Variants in INPP4B observed in about 807,000 individuals in gnomAD.
INPP4B encodes the protein inositol polyphosphate 4-phosphatase type II.
Under a neutral mutation model 122.5 loss-of-function variants are expected in INPP4B, and 55 were observed. The observed-to-expected ratio is 0.45, with a 90% confidence interval of 0.36 to 0.56. The LOEUF (loss-of-function observed/expected upper bound fraction) is 0.56, where lower values mean the gene tolerates loss of function less well. INPP4B is among the 20% of genes least tolerant of loss of function. The probability of loss-of-function intolerance (pLI) is 0.00; values close to 1 mark genes in which losing one functional copy is unlikely to be tolerated. For missense variants in INPP4B, 1,000 were observed against 1,097.7 expected, an observed-to-expected ratio of 0.91 and a Z score of 1.26; for synonymous variants, 403 against 388.7, an observed-to-expected ratio of 1.04 and a Z score of -0.43.
chr4:142,402,462 C>T lies in INPP4B; in HGVS notation c.372+476G>A, dbSNP rs561786890. Among the ~76,000 whole-genome samples, 3 of 152,264 alleles carry T rather than the reference C, an allele frequency of 2.0e-5. No individual in the cohort carries two copies. In the South Asian group the frequency reaches 6.2e-4, roughly 32 times the overall value. On this transcript the variant is annotated intron_variant, in intron 7 of 25. Coordinates refer to ENST00000262992, the MANE Select transcript of INPP4B (RefSeq NM_001101669.3). ...AAAAGAGAGCAGTTAACGTTTCTTC[C>T]TACTGTTTCCAATTACCTTCTGTTT...
chr4:142,489,258 C>T (rs1336231753), intron 2 of INPP4B, among the ~76,000 whole-genome samples: 1 of 152,088 alleles, frequency 6.6e-6, no homozygotes, highest in Non-Finnish European at 1.5e-5. Context: ...ATTACTGAAA[C>T]CTTCTTTTAT....
chr4:142,460,179 A>G (rs1004188423), intron 3 of INPP4B, among the ~76,000 whole-genome samples: 21 of 152,310 alleles, frequency 1.4e-4, no homozygotes, highest in African/African-American at 5.0e-4. Flanking sequence ...TGCAAATCCC[A>G]TTTTAGAGAA....
At chr4:142,465,302 A>C (rs1390070229) in intron 2 of INPP4B, among the ~76,000 whole-genome samples, 1 of 152,164 alleles carries the variant, frequency 6.6e-6, no homozygotes, top group Non-Finnish European at 1.5e-5. Flanking sequence ...TGTAGCAAGA[A>C]CCAGTATTTA....
intron 1 of INPP4B, among the ~76,000 whole-genome samples, chr4:142,734,313 AAAAT>A (rs1766508228): frequency 6.6e-6 from 1 of 152,166 alleles, no homozygotes; most frequent in Admixed American, 6.5e-5. Flanking sequence ...GAACTGTGAT[AAAAT>A]AAATTTCTGT....
intron 2 of INPP4B, among the ~76,000 whole-genome samples, chr4:142,528,073 C>T (rs1254799658): frequency 1.3e-5 from 2 of 151,980 alleles, no homozygotes; most frequent in African/African-American, 4.8e-5. Context: ...CTTTTATTGT[C>T]TTGGCCCTTA....
intron 1 of INPP4B, among the ~76,000 whole-genome samples, chr4:142,736,708 T>C (rs887923060): frequency 3.9e-5 from 6 of 152,184 alleles, no homozygotes; most frequent in African/African-American, 1.4e-4. Context: ...GCTGAGACGA[T>C]GCGGTTTTCT....
chr4:142,358,909 C>T (rs1309790860), intron 7 of INPP4B, among the ~76,000 whole-genome samples: 11 of 151,940 alleles, frequency 7.2e-5, no homozygotes, highest in Non-Finnish European at 1.3e-4. Context: ...TTTAGAGCCA[C>T]TTGAAAGTCC....
At chr4:142,317,722 A>G (rs922690770) in intron 7 of INPP4B, among the ~76,000 whole-genome samples, 4 of 152,218 alleles carry the variant, frequency 2.6e-5, no homozygotes, top group African/African-American at 9.6e-5. Flanking sequence ...CTTGAGCTAA[A>G]TGTCACTTTT....
At chr4:142,545,845 CTGT>C (rs1829583640) in intron 2 of INPP4B, among the ~76,000 whole-genome samples, 1 of 135,654 alleles carries the variant, frequency 7.4e-6, no homozygotes, top group Non-Finnish European at 1.6e-5. Flanking sequence ...ATAAAATGGT[CTGT>C]TGTTCAAATA....
chr4:142,102,583 C>G (rs907948260), intron 23 of INPP4B, among the ~76,000 whole-genome samples: 1 of 148,666 alleles, frequency 6.7e-6, no homozygotes, highest in Admixed American at 6.9e-5. Flanking sequence ...ATTTAGGATT[C>G]TTTCAAAACC....
At chr4:142,265,671 T>G (rs942655191) in intron 10 of INPP4B, among the ~76,000 whole-genome samples, 2 of 152,152 alleles carry the variant, frequency 1.3e-5, no homozygotes, top group Non-Finnish European at 1.5e-5. Context: ...GCAAAAAAGG[T>G]CAAGGTTTAC....
At chr4:142,762,645 C>T (rs965833871) in intron 1 of INPP4B, among the ~76,000 whole-genome samples, 3 of 152,144 alleles carry the variant, frequency 2.0e-5, no homozygotes, top group African/African-American at 4.8e-5. Flanking sequence ...AGACAAGCAA[C>T]AAGTACGTTA....
At chr4:142,174,171 C>T (rs978652134) in intron 15 of INPP4B, among the ~76,000 whole-genome samples, 5 of 152,006 alleles carry the variant, frequency 3.3e-5, no homozygotes, top group African/African-American at 9.7e-5. Context: ...GAACTTGAGG[C>T]CACATAAGCC....
chr4:142,810,625 T>A (rs759657318), intron 1 of INPP4B, among the ~76,000 whole-genome samples: 22 of 152,196 alleles, frequency 1.4e-4, no homozygotes, highest in Non-Finnish European at 2.2e-4. Flanking sequence ...TCACCTAACA[T>A]CTATTAAATT....
chr4:142,510,009 T>A (rs750663757), intron 2 of INPP4B, among the ~76,000 whole-genome samples: 2 of 152,210 alleles, frequency 1.3e-5, no homozygotes, highest in African/African-American at 2.4e-5. Flanking sequence ...TCATTTAATA[T>A]TTTGAGAGCA....
At chr4:142,422,557 C>T (rs1807164058) in intron 5 of INPP4B, among the ~76,000 whole-genome samples, 1 of 152,058 alleles carries the variant, frequency 6.6e-6, no homozygotes, top group South Asian at 2.1e-4. Flanking sequence ...GTACTCCCAG[C>T]ACTTTGGAAG....
intron 1 of INPP4B, among the ~76,000 whole-genome samples, chr4:142,731,380 T>C (rs1240184798): frequency 6.6e-6 from 1 of 152,188 alleles, no homozygotes; most frequent in African/African-American, 2.4e-5. Flanking sequence ...CATTTGCCTC[T>C]AAAAAGATCA....
chr4:142,106,428 A>G (rs1239673247), intron 23 of INPP4B, among the ~76,000 whole-genome samples: 1 of 152,074 alleles, frequency 6.6e-6, no homozygotes, highest in Non-Finnish European at 1.5e-5. Flanking sequence ...TCACAGACAC[A>G]TACCACCATG....
intron 1 of INPP4B, among the ~76,000 whole-genome samples, chr4:142,813,320 A>C (rs2151129781): frequency 6.6e-6 from 1 of 152,308 alleles, no homozygotes; most frequent in South Asian, 2.1e-4. Flanking sequence ...ATTTGATAAA[A>C]GATAAACAAA....
Sources: gnomAD v4.1 joint callset for allele counts (sites outside exome capture counted in the v4.1 genomes callset) on GRCh38, gnomAD v4.1.1 for gene constraint, MANE v1.5 for transcripts, NCBI Gene and HGNC (gene_info 2026-07-23, HGNC 2026-07-21) for gene names.